The following PCDH17 variants were observed in gnomAD, a reference collection of about 807,000 sequenced individuals.
PCDH17 encodes protocadherin 17, also known as protocadherin-17.
A neutral mutation model predicts 67.7 loss-of-function variants in PCDH17; 21 were observed. The ratio of observed to expected loss-of-function variants is 0.31; its 90% confidence interval spans 0.22 to 0.45. The LOEUF (loss-of-function observed/expected upper bound fraction) is 0.45. Among genes scored for constraint, PCDH17 ranks in the 20% least tolerant of loss-of-function variants. The probability of loss-of-function intolerance (pLI) is 1.00; values close to 1 mark genes in which losing one functional copy is unlikely to be tolerated. For synonymous variants in PCDH17, 701 were observed against 656.7 expected (o/e 1.07, Z -1.03); for missense variants, 1,471 against 1,564.8 (o/e 0.94, Z 1.01).
chr13:57,715,107 A>T (rs1955806773), intron 3 of PCDH17, among the ~76,000 whole-genome samples: 1 of 151,832 alleles, frequency 6.6e-6, no homozygotes, highest in Non-Finnish European at 1.5e-5. Flanking sequence ...TATTTTCAAT[A>T]ATAAATAGAT....
chr13:57,667,510 GTAAAT>G (rs1955268694), intron 3 of PCDH17, among the ~76,000 whole-genome samples: 1 of 151,814 alleles, frequency 6.6e-6, no homozygotes, highest in Non-Finnish European at 1.5e-5. Flanking sequence ...TTCATCCAAA[GTAAAT>G]TAAATTACTC....
At chr13:57,651,363 T>G (rs1458682219) in intron 1 of PCDH17, among the ~76,000 whole-genome samples, 1 of 147,658 alleles carries the variant, frequency 6.8e-6, no homozygotes, top group Non-Finnish European at 1.5e-5. Context: ...GAGGTTTTTT[T>G]TTTTTTTTTT....
chr13:57,715,930 T>C (rs1955813111), intron 3 of PCDH17, among the ~76,000 whole-genome samples: 1 of 151,980 alleles, frequency 6.6e-6, no homozygotes, highest in African/African-American at 2.4e-5. Context: ...ATGAAGAATT[T>C]AAAAATGCAA....
intron 1 of PCDH17, among the ~76,000 whole-genome samples, chr13:57,647,781 CT>C (rs889906613): frequency 4.1e-4 from 62 of 151,888 alleles, no homozygotes; most frequent in African/African-American, 1.4e-3. Context: ...ATGATTTCCT[CT>C]TGTGGTTCTT....
intron 3 of PCDH17, among the ~76,000 whole-genome samples, chr13:57,712,463 G>A (rs1955785193): frequency 6.6e-6 from 1 of 151,626 alleles, no homozygotes; most frequent in Non-Finnish European, 1.5e-5. Flanking sequence ...TGCTGTGAAA[G>A]CAAATGTAAA....
rs1453173162 is a variant in PCDH17 at position 57,727,891 on chromosome 13, A to G, written c.*2597A>G. On this transcript the variant is annotated 3_prime_UTR_variant, in exon 4 of 4. Transcript: ENST00000377918. ...TGTAAATGAAACCAGCAAAGAGAGT[A>G]GGGTTTATTTTATAAACATTCTTAA... 2 of 152,572 alleles carry G rather than the reference A, an allele frequency of 1.3e-5. No homozygotes were observed. The highest frequency in any genetic ancestry group is 2.9e-5 in the Non-Finnish European group (2 of 67,996). The allele number at this position is 152,572 out of a possible 1,614,324, so 9.5% of individuals were successfully genotyped here.
At chr13:57,707,281 T>C (rs888797608) in intron 3 of PCDH17, among the ~76,000 whole-genome samples, 3 of 151,984 alleles carry the variant, frequency 2.0e-5, no homozygotes, top group African/African-American at 7.2e-5. Context: ...TATGACTATA[T>C]ATACGTATGT....
chr13:57,667,530 G>A (rs1012007588), intron 3 of PCDH17, among the ~76,000 whole-genome samples: 7 of 151,956 alleles, frequency 4.6e-5, no homozygotes, highest in African/African-American at 1.7e-4. Context: ...TTACTCTTAT[G>A]TATAAGACTA....
chr13:57,665,002 T>G (rs1404791618), intron 1 of PCDH17, among the ~76,000 whole-genome samples: 1 of 152,206 alleles, frequency 6.6e-6, no homozygotes, highest in Non-Finnish European at 1.5e-5. Context: ...TACCAACTGC[T>G]AGTAAAAGAC....
chr13:57,665,894 A>T (rs1955246879), intron 1 of PCDH17, among the ~76,000 whole-genome samples: 1 of 152,164 alleles, frequency 6.6e-6, no homozygotes, highest in Non-Finnish European at 1.5e-5. Flanking sequence ...GATTGTTTGA[A>T]CATAATTTCC....
intron 3 of PCDH17, among the ~76,000 whole-genome samples, chr13:57,720,071 T>C (rs960473515): frequency 3.3e-5 from 5 of 152,034 alleles, no homozygotes; most frequent in African/African-American, 4.8e-5. Flanking sequence ...TTTATCTAAG[T>C]ATTTTTTCCT....
chr13:57,659,901 A>T (rs1240813539), intron 1 of PCDH17, among the ~76,000 whole-genome samples: 1 of 152,112 alleles, frequency 6.6e-6, no homozygotes, highest in Non-Finnish European at 1.5e-5. Context: ...GGCTGGGTAA[A>T]TCAGAGATAC....
intron 3 of PCDH17, among the ~76,000 whole-genome samples, chr13:57,667,358 T>C (rs1338367682): frequency 2.3e-4 from 35 of 152,108 alleles, no homozygotes; most frequent in Admixed American, 2.3e-3. Flanking sequence ...TAAGGCTTCA[T>C]GAATATCAAA....
intron 1 of PCDH17, among the ~76,000 whole-genome samples, chr13:57,637,906 GT>G (rs1268776265): frequency 6.6e-6 from 1 of 151,978 alleles, no homozygotes; most frequent in Non-Finnish European, 1.5e-5. Flanking sequence ...AGGCATAGGA[GT>G]ACTTTTACTG....
At chr13:57,713,372 A>G (rs1480903587) in intron 3 of PCDH17, among the ~76,000 whole-genome samples, 2 of 151,756 alleles carry the variant, frequency 1.3e-5, no homozygotes, top group African/African-American at 4.8e-5. Context: ...TCAGCTTCCA[A>G]TAAATTTATA....
chr13:57,715,300 G>A (rs1048743770), intron 3 of PCDH17, among the ~76,000 whole-genome samples: 1 of 151,710 alleles, frequency 6.6e-6, no homozygotes, highest in African/African-American at 2.4e-5. Flanking sequence ...TATAAAGTAT[G>A]TAGTTGTTCC....
intron 1 of PCDH17, among the ~76,000 whole-genome samples, chr13:57,661,189 T>C (rs904847256): frequency 6.6e-6 from 1 of 152,224 alleles, no homozygotes; most frequent in African/African-American, 2.4e-5. Flanking sequence ...TTAAATTTCA[T>C]ATAATCTAAT....
At chr13:57,660,076 GAAGAAAA>G (rs932006871) in intron 1 of PCDH17, among the ~76,000 whole-genome samples, 9 of 151,806 alleles carry the variant, frequency 5.9e-5, no homozygotes, top group African/African-American at 1.2e-4. Flanking sequence ...CTATACTAAA[GAAGAAAA>G]AAGAAAAAAG....
intron 3 of PCDH17, among the ~76,000 whole-genome samples, chr13:57,710,435 C>T (rs1266634328): frequency 6.6e-6 from 1 of 151,800 alleles, no homozygotes; most frequent in Non-Finnish European, 1.5e-5. Context: ...ATTTAAATCC[C>T]TGGAACTCCA....
Sources: allele counts gnomAD v4.1 joint callset (sites outside exome capture counted in the v4.1 genomes callset), GRCh38; gene constraint gnomAD v4.1.1; transcripts MANE v1.5; gene names NCBI Gene and HGNC (gene_info 2026-07-23, HGNC 2026-07-21).